Variants in DBN1 observed in about 807,000 individuals in gnomAD.
DBN1 encodes the protein drebrin.
DBN1 carries 21 observed loss-of-function variants against 83.5 expected under a neutral mutation model. That is an observed-to-expected ratio of 0.25 (90% CI 0.18 to 0.36). The LOEUF (loss-of-function observed/expected upper bound fraction) is 0.36. DBN1 is among the 10% of genes least tolerant of loss of function. DBN1 has a pLI of 1.00. For missense variants in DBN1, 874 were observed against 935.7 expected (o/e 0.93, Z 0.86); for synonymous variants, 381 against 384.9 (o/e 0.99, Z 0.12).
rs1215375960 is a variant in DBN1, at chr5:177,467,959, G to A, written c.256-142C>T. ...GGCCGACGGGGAGGGCGACTGCTCTGGGCCTTCAGTTCCCTTCCCCAGCCC... is the reference window on the plus strand; with the variant it reads ...GGCCGACGGGGAGGGCGACTGCTCTAGGCCTTCAGTTCCCTTCCCCAGCCC... On this transcript the variant is annotated intron_variant, in intron 3 of 14. Coordinates refer to ENST00000393565, the MANE Select transcript of DBN1 (RefSeq NM_001363541.2). This position sits in a 1 kb window ranked among gnomAD's most constrained non-coding sequence, Gnocchi z 9.1. 1.6e-5 allele frequency: 21 copies of A among 1,330,606 alleles called. No individual in the cohort carries two copies. The highest frequency in any genetic ancestry group is 2.2e-5 in the Non-Finnish European group (21 of 934,200). 82.4% of individuals were successfully genotyped at this position (1,330,606 alleles called of 1,614,324 possible).
chr5:177,459,527 G>A, intron 11 of DBN1, 76 bp downstream of exon 11: 1 of 1,422,516 alleles, frequency 7.0e-7, no homozygotes, highest in Non-Finnish European at 9.3e-7. Context: ...GTCAGACTGG[G>A]GGAGTGAGGG....
rs28538572 is a variant in DBN1 at position 177,458,177 on chromosome 5, A to G, written c.1795T>C (p.Ser599Pro). 1 allele frequency: 1,612,660 copies of G among 1,613,094 alleles called. 806,114 individuals are homozygous for G. Among genetic ancestry groups the G allele is most frequent in the East Asian group, 1 (44,860 of 44,860 alleles). ...GTTGGGGTCTGGGGGGCAGCCAGGGACTCCCCTTCCACTTCCTCTGGGTCA... is the reference window on the plus strand; with the variant it reads ...GTTGGGGTCTGGGGGGCAGCCAGGGGCTCCCCTTCCACTTCCTCTGGGTCA... ...FCDPEEVEGE[S>P]LAAPQTPTLP... Residue 599 changes from serine to proline, a missense_variant, in exon 13 of 15, where the codon TCC becomes CCC. Around this residue, in one of 4 missense-constraint regions of DBN1, gnomAD observed 725 missense variants for 719.7 expected, o/e 1.01. Transcript: ENST00000393565.
chr5:177,457,962 A>T, intron 13 of DBN1, 96 bp downstream of exon 13: 1 of 1,533,594 alleles, frequency 6.5e-7, no homozygotes, highest in African/African-American at 1.4e-5. Context: ...GGTCACAGAG[A>T]AGGGGGTACT....
At position 177,457,171 on chromosome 5, in the gene DBN1, T is replaced by G; in HGVS notation, c.*262A>C. On this transcript the variant is annotated 3_prime_UTR_variant, in exon 15 of 15. Transcript: ENST00000393565. ...ACAATCTGGACCAGGGAAGGAGGGG[T>G]GGAATTTGCAACAGCGTCTCAACTA... 1.8e-5 allele frequency: 9 copies of G among 490,240 alleles called. No individual in the cohort carries two copies. Among genetic ancestry groups the G allele is most frequent in the Non-Finnish European group, 2.9e-5 (8 of 272,904 alleles). 30.4% of individuals were successfully genotyped at this position (490,240 alleles called of 1,614,324 possible).
chr5:177,471,386 C>T (rs1757831794), intron 1 of DBN1, among the ~76,000 whole-genome samples: 1 of 152,120 alleles, frequency 6.6e-6, no homozygotes, highest in African/African-American at 2.4e-5. Flanking sequence ...TTCCTGGGTC[C>T]CCTGCTCCCT....
intron 8 of DBN1, among the ~76,000 whole-genome samples, chr5:177,464,886 G>T (rs1290573629): frequency 6.6e-6 from 1 of 152,104 alleles, no homozygotes; most frequent in African/African-American, 2.4e-5. Flanking sequence ...CGGGTGCAGT[G>T]GCTCACGCCT....
chr5:177,456,991 G>A lies in DBN1; in HGVS notation c.*442C>T, dbSNP rs1351798013. The A allele has an allele frequency of 5.8e-6, 1 of 171,818 alleles. No individual in the cohort carries two copies. Among genetic ancestry groups the A allele is most frequent in the Non-Finnish European group, 1.3e-5 (1 of 79,586 alleles). 10.6% of individuals were successfully genotyped at this position (171,818 alleles called of 1,614,324 possible). ...TTAAAATTCGTGCAAAATATCTGAAGCCCTGGACAGAGAATACAAAGTGAT... is the reference window on the plus strand; with the variant it reads ...TTAAAATTCGTGCAAAATATCTGAAACCCTGGACAGAGAATACAAAGTGAT... On this transcript the variant is annotated 3_prime_UTR_variant, in exon 15 of 15. Transcript: ENST00000393565.
intron 8 of DBN1, among the ~76,000 whole-genome samples, chr5:177,463,281 C>T (rs974679886): frequency 2.0e-5 from 3 of 152,222 alleles, no homozygotes; most frequent in Non-Finnish European, 4.4e-5. Context: ...TCATGATCCG[C>T]CTGCCTTGGC....
intron 2 of DBN1, 65 bp downstream of exon 2, chr5:177,468,779 T>A: frequency 8.7e-7 from 1 of 1,151,658 alleles, no homozygotes; most frequent in South Asian, 3.4e-5. Flanking sequence ...GCCAGGTGGG[T>A]GGGGAAGAAA....
intron 1 of DBN1, chr5:177,472,545 G>A (rs2450333): frequency 0.48 from 286,930 of 603,474 alleles, 74,095 homozygotes; most frequent in Non-Finnish European, 0.53. Flanking sequence ...ACAACAGCTG[G>A]GGGGCGGGGT....
intron 1 of DBN1, among the ~76,000 whole-genome samples, chr5:177,469,388 T>C (rs1439511159): frequency 6.6e-6 from 1 of 152,018 alleles, no homozygotes; most frequent in African/African-American, 2.4e-5. Flanking sequence ...CCAGTAACCA[T>C]GGCAACCCTG....
At chr5:177,469,160 C>A (rs771025383) in intron 1 of DBN1, among the ~76,000 whole-genome samples, 2 of 152,152 alleles carry the variant, frequency 1.3e-5, no homozygotes, top group Non-Finnish European at 2.9e-5. Flanking sequence ...GCATCCCGGC[C>A]CTGGCCCTGG....
In DBN1 at chr5:177,467,125, A is replaced by G; in HGVS notation, c.556-63T>C. The G allele has an allele frequency of 3.7e-6, 6 of 1,609,342 alleles. No individual in the cohort carries two copies. The South Asian group carries it at 4.4e-5, about 12-fold the overall frequency. ...CTAGGCGCCTGGACCCTGCCCCTCC[A>G]GCCCCTCCCTAACCCAGCGCTGGGG... On this transcript the variant is annotated intron_variant, in intron 6 of 14. Coordinates refer to ENST00000393565, the MANE Select transcript of DBN1 (RefSeq NM_001363541.2). The surrounding 1 kb of genome is among the most constrained non-coding windows in gnomAD (Gnocchi z 9.1).
At chr5:177,464,878 G>GGC (rs1370669410) in intron 8 of DBN1, among the ~76,000 whole-genome samples, 5 of 152,072 alleles carry the variant, frequency 3.3e-5, no homozygotes, top group African/African-American at 4.8e-5. Context: ...AGGCAGGCCG[G>GGC]GTGCAGTGGC....
chr5:177,465,216 G>C (rs537170055), intron 8 of DBN1, among the ~76,000 whole-genome samples: 1 of 152,174 alleles, frequency 6.6e-6, no homozygotes, highest in Non-Finnish European at 1.5e-5. Flanking sequence ...ATAAAATGTG[G>C]TATATCCATA....
intron 2 of DBN1, 66 bp downstream of exon 2, chr5:177,468,778 G>T: frequency 8.7e-7 from 1 of 1,149,898 alleles, no homozygotes; most frequent in Non-Finnish European, 1.1e-6. Flanking sequence ...AGCCAGGTGG[G>T]TGGGGAAGAA....
In DBN1 at chr5:177,458,726, A is replaced by C. The variant is rs764031763; in HGVS notation, c.1265-19T>G. 4 of 1,495,916 alleles carry C rather than the reference A, an allele frequency of 2.7e-6. No individual in the cohort carries two copies. In the Admixed American group the frequency reaches 9.5e-5, roughly 35 times the overall value. 92.7% of individuals were successfully genotyped at this position (1,495,916 alleles called of 1,614,324 possible). A position where few individuals can be genotyped will look rare whatever the true frequency, so the allele number is the denominator to read the frequency against. ...TGGGTCTCTGTCACAGCACAGGCAGAGGAGATATGTAACCGGCTCCCCTCG... is the reference window on the plus strand; with the variant it reads ...TGGGTCTCTGTCACAGCACAGGCAGCGGAGATATGTAACCGGCTCCCCTCG... On this transcript the variant is annotated intron_variant, in intron 12 of 14. Coordinates refer to ENST00000393565, the MANE Select transcript of DBN1 (RefSeq NM_001363541.2).
intron 8 of DBN1, among the ~76,000 whole-genome samples, chr5:177,465,026 C>T (rs1412316743): frequency 1.3e-5 from 2 of 152,144 alleles, no homozygotes; most frequent in African/African-American, 4.8e-5. Flanking sequence ...TGGTGGCGGG[C>T]ACCTGTAGTC....
rs1400440142 is a variant in DBN1, at chr5:177,467,143, C to A, written c.556-81G>T. On this transcript the variant is annotated intron_variant, in intron 6 of 14. Transcript: ENST00000393565. This position sits in a 1 kb window ranked among gnomAD's most constrained non-coding sequence, Gnocchi z 9.1. ...CCCCTCCAGCCCCTCCCTAACCCAG[C>A]GCTGGGGGCGGGGCACGTGGCATGG... The A allele has an allele frequency of 1.9e-6, 3 of 1,607,084 alleles. No homozygotes were observed. The highest frequency in any genetic ancestry group is 3.3e-5 in the Admixed American group (2 of 59,826).
Sources: gnomAD v4.1 joint callset for allele counts (sites outside exome capture counted in the v4.1 genomes callset) on GRCh38, gnomAD v4.1.1 for gene constraint, gnomAD v4.1.1 regional missense constraint, Gnocchi (gnomAD v3.1) non-coding constraint, MANE v1.5 for transcripts, NCBI Gene and HGNC (gene_info 2026-07-23, HGNC 2026-07-21) for gene names.